ABTB2: variants seen among roughly 807,000 people sequenced by gnomAD.
ABTB2 encodes the protein ankyrin repeat and BTB/POZ domain-containing protein 2.
A neutral mutation model predicts 104.1 loss-of-function variants in ABTB2; 56 were observed. That is an observed-to-expected ratio of 0.54 (90% CI 0.43 to 0.67). The LOEUF (loss-of-function observed/expected upper bound fraction) is 0.67. ABTB2 is among the 30% of genes least tolerant of loss of function. The probability of loss-of-function intolerance (pLI) is 0.00; values close to 1 mark genes in which losing one functional copy is unlikely to be tolerated. For synonymous variants in ABTB2, 606 were observed against 608.2 expected, an observed-to-expected ratio of 1.00 and a Z score of 0.05; for missense variants, 1,279 against 1,407.7, an observed-to-expected ratio of 0.91 and a Z score of 1.46.
At chr11:34,211,629 C>G (rs1390639009) in intron 1 of ABTB2, among the ~76,000 whole-genome samples, 3 of 152,082 alleles carry the variant, frequency 2.0e-5, no homozygotes, top group Non-Finnish European at 2.9e-5. Flanking sequence ...CGTGGTGGCT[C>G]ACACCTGTAA....
chr11:34,181,185 G>A (rs1403327770), intron 3 of ABTB2, among the ~76,000 whole-genome samples: 1 of 152,108 alleles, frequency 6.6e-6, no homozygotes, highest in East Asian at 1.9e-4. Flanking sequence ...TTATGGGCGT[G>A]AGCCACCATG....
At chr11:34,235,006 C>T (rs2611098) in intron 1 of ABTB2, among the ~76,000 whole-genome samples, 5,922 of 152,192 alleles carry the variant, frequency 0.039, 380 homozygotes, top group African/African-American at 0.14. Context: ...TATAGGCGCC[C>T]GCCACGGCGC....
intron 2 of ABTB2, 89 bp from the exon 3 acceptor site, chr11:34,197,627 C>T (rs1438508902): frequency 3.0e-6 from 3 of 987,362 alleles, no homozygotes; most frequent in African/African-American, 1.6e-5. Context: ...CAAGGATGTT[C>T]CTGGCTGAAG....
rs558791788 is a variant in ABTB2, at chr11:34,211,933, A to G, written c.884-7243T>C. ...AAAAAAAAAAAAAAAAAGGATAATCAAAAAGTCATCTAATACTTGGGCAAA... is the reference window on the plus strand; with the variant it reads ...AAAAAAAAAAAAAAAAAGGATAATCGAAAAGTCATCTAATACTTGGGCAAA... On this transcript the variant is annotated intron_variant, in intron 1 of 16. Coordinates refer to ENST00000435224, the MANE Select transcript of ABTB2 (RefSeq NM_145804.3). Among the ~76,000 whole-genome samples the G allele has an allele frequency of 1.1e-4, 17 of 151,786 alleles. No homozygotes were observed. In the South Asian group the frequency reaches 3.5e-3, roughly 32 times the overall value.
chr11:34,263,192 G>A (rs1022739660), intron 1 of ABTB2, among the ~76,000 whole-genome samples: 3 of 151,998 alleles, frequency 2.0e-5, no homozygotes, highest in African/African-American at 7.2e-5. Context: ...GGGTTGGGGG[G>A]ACACAGAGAG....
chr11:34,250,039 A>G (rs1202104919), intron 1 of ABTB2, among the ~76,000 whole-genome samples: 1 of 152,166 alleles, frequency 6.6e-6, no homozygotes, highest in Non-Finnish European at 1.5e-5. Flanking sequence ...AGAGCTGGGA[A>G]ACTCAGGCAA....
intron 1 of ABTB2, among the ~76,000 whole-genome samples, chr11:34,225,276 C>A (rs1463420854): frequency 1.3e-5 from 2 of 151,990 alleles, no homozygotes; most frequent in Non-Finnish European, 2.9e-5. Flanking sequence ...TGGTCTCCAG[C>A]TCTGGCCCTG....
intron 1 of ABTB2, among the ~76,000 whole-genome samples, chr11:34,230,351 A>T (rs952493163): frequency 3.9e-5 from 6 of 152,180 alleles, no homozygotes; most frequent in Admixed American, 3.9e-4. Flanking sequence ...TGAGGGTTGT[A>T]CCTGGGTTTG....
At chr11:34,246,426 ACT>A (rs1238620144) in intron 1 of ABTB2, among the ~76,000 whole-genome samples, 1 of 151,676 alleles carries the variant, frequency 6.6e-6, no homozygotes, top group Non-Finnish European at 1.5e-5. Flanking sequence ...ACATGGAGAA[ACT>A]CTGTCTTTAC....
In ABTB2 at chr11:34,357,399, T is replaced by C. The variant is rs754491940; in HGVS notation, c.185A>G (p.Asn62Ser). 8 of 1,546,460 alleles carry C rather than the reference T, an allele frequency of 5.2e-6. No homozygotes were observed. The South Asian group carries it at 9.5e-5, about 18-fold the overall frequency. Residue 62 changes from asparagine (N) to serine (S), a missense_variant, in exon 1 of 17, where the codon AAC (asparagine) becomes AGC (serine). Coordinates refer to ENST00000435224, the MANE Select transcript of ABTB2 (RefSeq NM_145804.3). Reference protein sequence around the residue: ...AAWWCYSGSMNSRHNSWDTVN... With the variant: ...AAWWCYSGSMSSRHNSWDTVN... ...CGTGTCCCAGCTGTTGTGGCGGCTG[T>C]TCATGGAGCCGGAGTAGCACCACCA...
At chr11:34,233,478 T>A (rs1199045125) in intron 1 of ABTB2, among the ~76,000 whole-genome samples, 1 of 151,830 alleles carries the variant, frequency 6.6e-6, no homozygotes, top group South Asian at 2.1e-4. Flanking sequence ...AGCCTCCCAA[T>A]TAGCTGGGAC....
chr11:34,171,523 G>A (rs527403301), intron 4 of ABTB2, among the ~76,000 whole-genome samples: 3 of 152,272 alleles, frequency 2.0e-5, no homozygotes, highest in South Asian at 2.1e-4. Context: ...GCAGTGAGCC[G>A]AGATTGTGCC....
intron 1 of ABTB2, among the ~76,000 whole-genome samples, chr11:34,321,661 T>C (rs1463215947): frequency 6.6e-6 from 1 of 152,234 alleles, no homozygotes; most frequent in Admixed American, 6.5e-5. Flanking sequence ...ATGTCCTTTC[T>C]CCCACCTTGG....
chr11:34,194,776 GT>G (rs11303390), intron 3 of ABTB2, among the ~76,000 whole-genome samples: 65,947 of 145,708 alleles, frequency 0.45, 15,262 homozygotes, highest in Non-Finnish European at 0.55. Flanking sequence ...TAAAAATTTG[GT>G]TTTTTTTTTT....
At chr11:34,246,454 A>G (rs1401378086) in intron 1 of ABTB2, among the ~76,000 whole-genome samples, 1 of 152,020 alleles carries the variant, frequency 6.6e-6, no homozygotes, top group African/African-American at 2.4e-5. Context: ...ATACAAAATT[A>G]GCTGGGCGTA....
chr11:34,356,831 G>T lies in ABTB2; in HGVS notation c.753C>A (p.Ser251Arg). 6.2e-7 allele frequency: 1 copy of T among 1,606,146 alleles called. No homozygotes were observed. The highest frequency in any genetic ancestry group is 2.2e-5 in the East Asian group (1 of 44,642). ...EIRARVMASHSPDGGGAGGGE... is the reference protein window; with the variant it reads ...EIRARVMASHRPDGGGAGGGE... ...CGCCTCCGGCCCCTCCGCCATCAGG[G>T]CTGTGGCTGGCCATCACCCTGGCCC... is the stretch of plus-strand genomic sequence containing the variant. Residue 251 changes from serine to arginine, a missense_variant, in exon 1 of 17, where the codon AGC becomes AGA. Physicochemically the swap from Ser to Arg is moderately radical, Grantham distance 110. Coordinates refer to ENST00000435224, the MANE Select transcript of ABTB2 (RefSeq NM_145804.3). The surrounding 1 kb of genome is among the most constrained non-coding windows in gnomAD (Gnocchi z 4.6).
In ABTB2 at chr11:34,151,885, TTGCTA is replaced by T. The variant is rs2132995142; in HGVS notation, c.*497_*501del. The T allele has an allele frequency of 6.4e-6, 1 of 155,388 alleles. No individual in the cohort carries two copies. Among genetic ancestry groups the T allele is most frequent in the East Asian group, 1.9e-4 (1 of 5,224 alleles). The allele number at this position is 155,388 out of a possible 1,614,324, so 9.6% of individuals were successfully genotyped here. On this transcript the variant is annotated 3_prime_UTR_variant, in exon 17 of 17. Transcript: ENST00000435224. ...ACAAGTTTGGGGATTTGGGCAGCCT[TTGCTA>T]TGTGACATTTAGGAAGAAAAATACC... is the stretch of plus-strand genomic sequence containing the variant.
At position 34,159,281 on chromosome 11, in the gene ABTB2, C is replaced by T. The variant is rs753838027; in HGVS notation, c.2697+15G>A. 4.4e-6 allele frequency: 7 copies of T among 1,607,970 alleles called. No homozygotes were observed. Among genetic ancestry groups the T allele is most frequent in the African/African-American group, 1.3e-5 (1 of 74,890 alleles). On this transcript the variant is annotated intron_variant, in intron 14 of 16. Coordinates refer to ENST00000435224, the MANE Select transcript of ABTB2 (RefSeq NM_145804.3). The stretch of plus-strand genomic sequence containing the variant: ...TCATCCCTCTGAGAAGAGGGCGGCA[C>T]CAAGACCCACACACCTGAAAAATGT...
At chr11:34,195,027 T>C (rs991546760) in intron 3 of ABTB2, among the ~76,000 whole-genome samples, 3 of 135,732 alleles carry the variant, frequency 2.2e-5, no homozygotes, top group Non-Finnish European at 3.0e-5. Flanking sequence ...TACAGGGGGC[T>C]GGGAACCCTC....
Sources: gnomAD v4.1 joint callset for allele counts (sites outside exome capture counted in the v4.1 genomes callset) on GRCh38, gnomAD v4.1.1 for gene constraint, Gnocchi (gnomAD v3.1) non-coding constraint, MANE v1.5 for transcripts, NCBI Gene and HGNC (gene_info 2026-07-23, HGNC 2026-07-21) for gene names.